Variants in CCNT2 observed in about 807,000 individuals in gnomAD.
CCNT2 encodes the protein cyclin-T2.
Under a neutral mutation model 70.0 loss-of-function variants are expected in CCNT2, and 18 were observed. That is an observed-to-expected ratio of 0.26 (90% CI 0.18 to 0.38). The LOEUF is 0.38. Among genes scored for constraint, CCNT2 ranks in the 10% least tolerant of loss-of-function variants. The probability of loss-of-function intolerance (pLI) is 1.00; values close to 1 mark genes in which losing one functional copy is unlikely to be tolerated. For synonymous variants in CCNT2, 334 were observed against 313.3 expected (o/e 1.07, Z -0.70); for missense variants, 734 against 890.2 (o/e 0.82, Z 2.23).
rs753288340 is a variant in CCNT2, at chr2:134,953,606, G to A, written c.1151G>A (p.Gly384Glu). 60 of 1,614,024 alleles carry A rather than the reference G, an allele frequency of 3.7e-5. No individual in the cohort carries two copies. Among genetic ancestry groups the A allele is most frequent in the Non-Finnish European group, 4.9e-5 (58 of 1,179,978 alleles). Residue 384 changes from glycine (G) to glutamate (E), a missense_variant, in exon 9 of 9, where the codon GGA (glycine) becomes GAA (glutamate). Physicochemically the swap from Gly to Glu is moderately conservative, Grantham distance 98. Coordinates refer to ENST00000264157, the MANE Select transcript of CCNT2 (RefSeq NM_058241.3). ...CAGTACAACATCAACTTCCAGCAGG[G>A]ACCTTCTATATCACTGCATTCAGGA... ...GSQYNINFQQ[G>E]PSISLHSGLH...
intron 7 of CCNT2, among the ~76,000 whole-genome samples, chr2:134,948,236 T>A (rs533878224): frequency 6.6e-6 from 1 of 152,256 alleles, no homozygotes; most frequent in South Asian, 2.1e-4. Context: ...GGATGATCAC[T>A]TGAGCACGGG....
intron 5 of CCNT2, chr2:134,943,145 A>C (rs1337120413): frequency 1.0e-6 from 1 of 970,010 alleles, no homozygotes; most frequent in East Asian, 1.1e-4. Flanking sequence ...TCCCACCTGT[A>C]ATCCCAGCAT....
In CCNT2 at chr2:134,919,010, T is replaced by C. The variant is rs759354412; in HGVS notation, c.156T>C (p.Asn52=). The change falls in exon 1 of 9, where the codon AAT becomes AAC. Residue 52 remains asparagine (N), a splice_region_variant and synonymous_variant. Transcript: ENST00000264157. ...NLIQEMGQRL[N]VSQLTINTAI... is the part of the protein sequence containing the mutation. ...TCCAGGAGATGGGACAGCGTCTCAA[T>C]GTGTATCCTTTTCTGTTCGCCGCCG... 1.9e-6 allele frequency: 3 copies of C among 1,606,514 alleles called. No individual in the cohort carries two copies. The highest frequency in any genetic ancestry group is 2.6e-6 in the Non-Finnish European group (3 of 1,176,392).
intron 7 of CCNT2, among the ~76,000 whole-genome samples, chr2:134,951,416 A>G (rs2105085524): frequency 6.6e-6 from 1 of 152,352 alleles, no homozygotes; most frequent in East Asian, 1.9e-4. Context: ...AAACCACACT[A>G]CTTTGGAAAA....
intron 1 of CCNT2, 146 bp from the exon 2 acceptor site, chr2:134,919,664 C>T: frequency 3.3e-6 from 2 of 598,984 alleles, no homozygotes; most frequent in Non-Finnish European, 5.9e-6. Context: ...CGCCCCACCC[C>T]CCGCGGGCAT....
chr2:134,919,124 C>T lies in CCNT2; in HGVS notation c.158+112C>T, dbSNP rs1263963048. On this transcript the variant is annotated intron_variant, in intron 1 of 8. Coordinates refer to ENST00000264157, the MANE Select transcript of CCNT2 (RefSeq NM_058241.3). ...CCTCGGCCTTCGCTGGGCCTCGGCG[C>T]CGCGGTCAGGGAAGTAATGTTCCGG... 5 of 1,245,600 alleles carry T rather than the reference C, an allele frequency of 4.0e-6. No individual in the cohort carries two copies. The East Asian group carries it at 1.2e-4, about 31-fold the overall frequency. 77.2% of individuals were successfully genotyped at this position (1,245,600 alleles called of 1,614,324 possible).
At chr2:134,930,071 C>T (rs1414774022) in intron 2 of CCNT2, among the ~76,000 whole-genome samples, 2 of 152,068 alleles carry the variant, frequency 1.3e-5, no homozygotes, top group Non-Finnish European at 2.9e-5. Context: ...CGAAGTTGTA[C>T]AACTATCACC....
chr2:134,939,975 T>A, intron 4 of CCNT2, among the ~76,000 whole-genome samples: 1 of 152,158 alleles, frequency 6.6e-6, no homozygotes, highest in Non-Finnish European at 1.5e-5. Context: ...AACATGGGCT[T>A]TGGGGAGATC....
intron 2 of CCNT2, among the ~76,000 whole-genome samples, chr2:134,922,713 C>T (rs550294137): frequency 6.6e-6 from 1 of 152,132 alleles, no homozygotes; most frequent in African/African-American, 2.4e-5. Flanking sequence ...GGAAAGCACC[C>T]ACCCCCCAAG....
intron 2 of CCNT2, among the ~76,000 whole-genome samples, chr2:134,933,620 A>G (rs1680938787): frequency 1.3e-5 from 2 of 152,226 alleles, no homozygotes; most frequent in South Asian, 2.1e-4. Flanking sequence ...TCATAAATTC[A>G]GTGTTTGGAT....
At chr2:134,939,549 T>C (rs1055120356) in intron 4 of CCNT2, among the ~76,000 whole-genome samples, 7 of 152,176 alleles carry the variant, frequency 4.6e-5, no homozygotes, top group Non-Finnish European at 8.8e-5. Flanking sequence ...CACTGCAACC[T>C]CTGCCTCCTG....
At chr2:134,943,358 GC>G (rs1198211110) in intron 5 of CCNT2, 1 of 807,198 alleles carries the variant, frequency 1.2e-6, no homozygotes, top group Non-Finnish European at 1.5e-6. Flanking sequence ...CCCAGATCAT[GC>G]CCCTGCACTC....
chr2:134,937,623 TA>T (rs908433588), intron 3 of CCNT2, among the ~76,000 whole-genome samples: 4 of 152,132 alleles, frequency 2.6e-5, no homozygotes, highest in African/African-American at 9.7e-5. Flanking sequence ...TATGGCCCTT[TA>T]AAAATTTTCG....
At chr2:134,920,523 A>G (rs987434599) in intron 2 of CCNT2, among the ~76,000 whole-genome samples, 1 of 152,178 alleles carries the variant, frequency 6.6e-6, no homozygotes, top group Non-Finnish European at 1.5e-5. Context: ...ATTAAGGTAT[A>G]TAACCTGTAA....
At chr2:134,925,208 T>G (rs1680201469) in intron 2 of CCNT2, among the ~76,000 whole-genome samples, 1 of 152,188 alleles carries the variant, frequency 6.6e-6, no homozygotes, top group African/African-American at 2.4e-5. Flanking sequence ...ATTCTGTCAT[T>G]TCTTTCTTAC....
chr2:134,953,215 G>A lies in CCNT2; in HGVS notation c.775-15G>A. The A allele has an allele frequency of 6.3e-7, 1 of 1,580,878 alleles. No homozygotes were observed. Among genetic ancestry groups the A allele is most frequent in the Non-Finnish European group, 8.6e-7 (1 of 1,157,640 alleles). On this transcript the variant is annotated splice_polypyrimidine_tract_variant and intron_variant, in intron 8 of 8. Coordinates refer to ENST00000264157, the MANE Select transcript of CCNT2 (RefSeq NM_058241.3). ...TTTGCTATATCACTGCTTCTTCTGTGTTTTATTTTAATAGGCTAATCAGGC... is the reference window on the plus strand; with the variant it reads ...TTTGCTATATCACTGCTTCTTCTGTATTTTATTTTAATAGGCTAATCAGGC...
intron 8 of CCNT2, 22 bp from the exon 9 acceptor site, chr2:134,953,208 C>T (rs1416379460): frequency 2.6e-6 from 4 of 1,557,276 alleles, no homozygotes; most frequent in South Asian, 1.2e-5. Flanking sequence ...ATCACTGCTT[C>T]TTCTGTGTTT....
chr2:134,954,019 G>C lies in CCNT2; in HGVS notation c.1564G>C (p.Glu522Gln). The change falls in exon 9 of 9, where the codon GAA becomes CAA. Residue 522 changes from glutamate to glutamine, a missense_variant. By Grantham distance (29) the Glu-to-Gln change is conservative. Around this residue, in one of 3 missense-constraint regions of CCNT2, gnomAD observed 532 missense variants for 556.9 expected, o/e 0.96. Coordinates refer to ENST00000264157, the MANE Select transcript of CCNT2 (RefSeq NM_058241.3). ...CACTGATAAAAGCGCCAGTAAAGAA[G>C]AACTGAAAATGAAAATAAAAGTTTC... ...PPTDKSASKE[E>Q]LKMKIKVSSS... 6 of 1,614,090 alleles carry C rather than the reference G, an allele frequency of 3.7e-6. No individual in the cohort carries two copies. Among genetic ancestry groups the C allele is most frequent in the Non-Finnish European group, 5.1e-6 (6 of 1,180,006 alleles).
In CCNT2 at chr2:134,957,466, A is replaced by G. The variant is rs896173641; in HGVS notation, c.*2818A>G. On this transcript the variant is annotated 3_prime_UTR_variant, in exon 9 of 9. Coordinates refer to ENST00000264157, the MANE Select transcript of CCNT2 (RefSeq NM_058241.3). Reference sequence around the variant, plus strand: ...TAGATCACTGATTTGTTACCTTTACACAGAAGCACATTGCAAAGAAAGGCT... The same window carrying G: ...TAGATCACTGATTTGTTACCTTTACGCAGAAGCACATTGCAAAGAAAGGCT... 2 of 152,156 alleles carry G rather than the reference A, an allele frequency of 1.3e-5. No individual in the cohort carries two copies. Among genetic ancestry groups the G allele is most frequent in the Non-Finnish European group, 2.9e-5 (2 of 68,014 alleles). 9.4% of individuals were successfully genotyped at this position (152,156 alleles called of 1,614,324 possible). A position where few individuals can be genotyped will look rare whatever the true frequency, so the allele number is the denominator to read the frequency against.
Sources: gnomAD v4.1 joint callset for allele counts (sites outside exome capture counted in the v4.1 genomes callset) on GRCh38, gnomAD v4.1.1 for gene constraint, gnomAD v4.1.1 regional missense constraint, MANE v1.5 for transcripts, NCBI Gene and HGNC (gene_info 2026-07-23, HGNC 2026-07-21) for gene names.